CHRM3: variants seen among roughly 807,000 people sequenced by gnomAD.
CHRM3 encodes the protein muscarinic acetylcholine receptor M3.
CHRM3 carries 11 observed loss-of-function variants against 41.8 expected under a neutral mutation model. The observed-to-expected ratio is 0.26, with a 90% confidence interval of 0.17 to 0.44. The LOEUF (loss-of-function observed/expected upper bound fraction) is 0.44, where lower values mean the gene tolerates loss of function less well. Ranked by LOEUF, CHRM3 falls within the 20% of genes least tolerant of loss-of-function variation. The pLI is 1.00. For synonymous variants in CHRM3, 297 were observed against 301.4 expected, an observed-to-expected ratio of 0.99 and a Z score of 0.15; for missense variants, 571 against 745.4, an observed-to-expected ratio of 0.77 and a Z score of 2.72.
At chr1:239,433,668 C>T (rs931898291) in intron 1 of CHRM3, among the ~76,000 whole-genome samples, 1 of 148,078 alleles carries the variant, frequency 6.8e-6, no homozygotes, top group Non-Finnish European at 1.5e-5. Flanking sequence ...GCCTTTGCAT[C>T]CTCATAGCTT....
At chr1:239,684,477 T>A (rs1658878115) in intron 5 of CHRM3, among the ~76,000 whole-genome samples, 1 of 151,702 alleles carries the variant, frequency 6.6e-6, no homozygotes, top group Admixed American at 6.6e-5. Context: ...GCGGATCACT[T>A]GAGGTCAGGA....
intron 3 of CHRM3, among the ~76,000 whole-genome samples, chr1:239,581,534 GC>G (rs1226189948): frequency 6.6e-6 from 1 of 152,038 alleles, no homozygotes; most frequent in Non-Finnish European, 1.5e-5. Context: ...GACCCACAAA[GC>G]CAAACTCCTT....
chr1:239,828,675 T>A (rs1161464001), intron 6 of CHRM3, among the ~76,000 whole-genome samples: 1 of 151,782 alleles, frequency 6.6e-6, no homozygotes, highest in Admixed American at 6.6e-5. Flanking sequence ...CAGAGAACAG[T>A]GGGCAAGGGG....
intron 6 of CHRM3, among the ~76,000 whole-genome samples, chr1:239,897,726 C>T (rs886115092): frequency 6.6e-5 from 10 of 152,170 alleles, no homozygotes; most frequent in African/African-American, 1.9e-4. Context: ...GAACCTCTCC[C>T]GCCTGCTTTT....
At chr1:239,559,343 A>G (rs1660658273) in intron 3 of CHRM3, among the ~76,000 whole-genome samples, 1 of 152,198 alleles carries the variant, frequency 6.6e-6, no homozygotes, top group Admixed American at 6.6e-5. Flanking sequence ...TCCTAAAAGT[A>G]TGTTCTGACA....
intron 5 of CHRM3, among the ~76,000 whole-genome samples, chr1:239,820,793 A>G (rs893841769): frequency 6.6e-6 from 1 of 152,194 alleles, no homozygotes; most frequent in Non-Finnish European, 1.5e-5. Context: ...TAATTTTATT[A>G]GTACTATCCA....
At chr1:239,823,892 T>G (rs965527782) in intron 5 of CHRM3, among the ~76,000 whole-genome samples, 42 of 152,126 alleles carry the variant, frequency 2.8e-4, no homozygotes, top group Non-Finnish European at 5.6e-4. Flanking sequence ...ACAAATGCAG[T>G]CAAGGAAACT....
intron 4 of CHRM3, among the ~76,000 whole-genome samples, chr1:239,655,332 T>C (rs894214558): frequency 1.3e-5 from 2 of 152,214 alleles, no homozygotes; most frequent in Admixed American, 6.5e-5. Context: ...AGTCAAACTG[T>C]TTCTCATTTC....
intron 5 of CHRM3, among the ~76,000 whole-genome samples, chr1:239,723,301 A>C (rs1468902627): frequency 6.6e-6 from 1 of 151,986 alleles, no homozygotes; most frequent in Non-Finnish European, 1.5e-5. Context: ...AATAAGGAAA[A>C]AAATAAATGC....
rs576484265 is a variant in CHRM3, at chr1:239,796,589, C to T, written c.-146-30663C>T. Among the ~76,000 whole-genome samples the T allele has an allele frequency of 5.3e-5, 8 of 151,542 alleles. No individual in the cohort carries two copies. In the East Asian group the frequency reaches 5.8e-4, roughly 11 times the overall value. On this transcript the variant is annotated intron_variant, in intron 5 of 6. Coordinates refer to ENST00000676153, the MANE Select transcript of CHRM3 (RefSeq NM_001375978.1). ...TGGGTGTATACTTAATGCACATGGC[C>T]GTGGTCAGAGCATTTGGCTGATCAG... is the stretch of plus-strand genomic sequence containing the variant.
Position 239,506,991 on chromosome 1 carries a change from T to C in CHRM3, c.-422+14184T>C, listed in dbSNP as rs111411999. On this transcript the variant is annotated intron_variant, in intron 2 of 6. Transcript: ENST00000676153. ...CAATTTCTCCCATTTGGAATGGTTGTATTTACCCAATGCCTGTGTCCCCAT... is the reference window on the plus strand; with the variant it reads ...CAATTTCTCCCATTTGGAATGGTTGCATTTACCCAATGCCTGTGTCCCCAT... 3.2e-3 allele frequency among the ~76,000 whole-genome samples: 492 copies of C among 152,330 alleles called. 2 individuals carry two copies. The highest frequency in any genetic ancestry group is 0.011 in the African/African-American group (460 of 41,572).
At chr1:239,429,026 G>C (rs1009208526) in intron 1 of CHRM3, among the ~76,000 whole-genome samples, 2 of 152,138 alleles carry the variant, frequency 1.3e-5, no homozygotes, top group African/African-American at 4.8e-5. Flanking sequence ...ATTGTACCCA[G>C]AATTTTTCCC....
At chr1:239,578,006 G>A (rs1279551348) in intron 3 of CHRM3, among the ~76,000 whole-genome samples, 1 of 152,200 alleles carries the variant, frequency 6.6e-6, no homozygotes, top group Admixed American at 6.5e-5. Flanking sequence ...TCCCAAGAAT[G>A]TGTGCATTTT....
intron 2 of CHRM3, among the ~76,000 whole-genome samples, chr1:239,505,595 T>G (rs1396240014): frequency 6.6e-6 from 1 of 152,204 alleles, no homozygotes; most frequent in Non-Finnish European, 1.5e-5. Flanking sequence ...ACCTTTTTCT[T>G]TTGTAAATGG....
At chr1:239,622,359 T>C (rs1474555476) in intron 3 of CHRM3, among the ~76,000 whole-genome samples, 1 of 152,194 alleles carries the variant, frequency 6.6e-6, no homozygotes, top group Admixed American at 6.5e-5. Flanking sequence ...TTCATAAAGC[T>C]ATAGCTGCCA....
chr1:239,695,958 G>T (rs147534361), intron 5 of CHRM3, among the ~76,000 whole-genome samples: 241 of 152,184 alleles, frequency 1.6e-3, no homozygotes, highest in African/African-American at 4.6e-3. Flanking sequence ...ACCTGTATAC[G>T]CATTGTTATA....
chr1:239,417,886 AT>A (rs1037139310), intron 1 of CHRM3, among the ~76,000 whole-genome samples: 39 of 152,138 alleles, frequency 2.6e-4, no homozygotes, highest in African/African-American at 7.7e-4. Flanking sequence ...GTTCTAACAG[AT>A]TTTTTTCCTT....
intron 3 of CHRM3, among the ~76,000 whole-genome samples, chr1:239,622,983 G>A (rs1251829809): frequency 6.6e-6 from 1 of 151,604 alleles, no homozygotes; most frequent in African/African-American, 2.4e-5. Flanking sequence ...AATTGCCACA[G>A]CCTCCCCAGC....
chr1:239,868,961 A>T (rs774734654), intron 6 of CHRM3, among the ~76,000 whole-genome samples: 3 of 152,180 alleles, frequency 2.0e-5, no homozygotes, highest in Non-Finnish European at 4.4e-5. Context: ...CTCAAGGTCA[A>T]GGTCCTTACA....
Sources: allele counts gnomAD v4.1 joint callset (sites outside exome capture counted in the v4.1 genomes callset), GRCh38; gene constraint gnomAD v4.1.1; transcripts MANE v1.5; gene names NCBI Gene and HGNC (gene_info 2026-07-23, HGNC 2026-07-21).